The following TUBGCP5 variants were observed in gnomAD, a reference collection of about 807,000 sequenced individuals.
The protein encoded by TUBGCP5 is tubulin gamma complex component 5, also known as gamma-tubulin complex component 5.
TUBGCP5 carries 98 observed loss-of-function variants against 134.7 expected under a neutral mutation model. The observed-to-expected ratio is 0.73, with a 90% CI of 0.62 to 0.86. TUBGCP5 has a LOEUF of 0.86. TUBGCP5 is among the 40% of genes least tolerant of loss of function. The pLI is 0.00. For missense variants in TUBGCP5, 1,150 were observed against 1,244.8 expected, an observed-to-expected ratio of 0.92 and a Z score of 1.15; for synonymous variants, 456 against 431.4, an observed-to-expected ratio of 1.06 and a Z score of -0.71.
At chr15:22,998,029 A>G (rs1469191718), downstream of TUBGCP5, among the ~76,000 whole-genome samples, 1 of 152,088 alleles carries the variant, frequency 6.6e-6, no homozygotes, top group Non-Finnish European at 1.5e-5. Context: ...TTGCTCAGAA[A>G]TATTGCCAGG....
At chr15:23,003,022 T>C in intron 21 of TUBGCP5, 43 bp downstream of exon 21, 1 of 1,597,208 alleles carries the variant, frequency 6.3e-7, no homozygotes, top group Non-Finnish European at 8.6e-7. Context: ...AAGCTGAAGC[T>C]GAAATGGTCA....
At chr15:22,989,964 G>A (rs544528793) in intron 23 of TUBGCP5, among the ~76,000 whole-genome samples, 7 of 152,200 alleles carry the variant, frequency 4.6e-5, no homozygotes, top group South Asian at 2.1e-4. Flanking sequence ...CCTGGTGCCC[G>A]CCTGGATCTC....
chr15:23,029,162 C>T (rs2066150810), intron 6 of TUBGCP5, among the ~76,000 whole-genome samples: 2 of 152,144 alleles, frequency 1.3e-5, no homozygotes, highest in African/African-American at 4.8e-5. Flanking sequence ...TCAAGCCTCC[C>T]CAAATTAGAT....
rs376855426 is a variant in TUBGCP5, at chr15:23,000,637, A to C, written c.2960T>G (p.Phe987Cys). The change falls in exon 22 of 23, where the codon TTT (phenylalanine) becomes TGT (cysteine). Residue 987 changes from phenylalanine to cysteine, a missense_variant. By Grantham distance (205) the Phe-to-Cys change is radical. Around this residue, in one of 2 missense-constraint regions of TUBGCP5, gnomAD observed 697 missense variants for 850.1 expected, o/e 0.82. Transcript: ENST00000615383. The part of the protein sequence containing the change: ...MESIEKMESD[F>C]KNCHMFLVTI... ...TACAAGAAACATATGGCAGTTTTTA[A>C]AATCAGATTCCATTTTCTCTATAGA... 1.3e-5 allele frequency: 21 copies of C among 1,607,400 alleles called. No individual in the cohort carries two copies. Among genetic ancestry groups the C allele is most frequent in the Non-Finnish European group, 1.8e-5 (21 of 1,175,440 alleles).
At chr15:23,024,405 T>G (rs2065879698) in intron 9 of TUBGCP5, 2 of 534,668 alleles carry the variant, frequency 3.7e-6, no homozygotes, top group Non-Finnish European at 6.0e-6. Flanking sequence ...ATGGCTTATA[T>G]TTTTAAAAAC....
chr15:23,024,620 T>G, intron 9 of TUBGCP5, 117 bp downstream of exon 9: 1 of 588,414 alleles, frequency 1.7e-6, no homozygotes, highest in Non-Finnish European at 2.8e-6. Flanking sequence ...TTTTTTTGCA[T>G]GTGAGGAAGC....
At chr15:23,003,988 C>T in intron 20 of TUBGCP5, 114 bp downstream of exon 20, 2 of 1,358,204 alleles carry the variant, frequency 1.5e-6, no homozygotes, top group Non-Finnish European at 2.0e-6. Flanking sequence ...TCATCTGGTT[C>T]TTCCTTAAAG....
intron 14 of TUBGCP5, among the ~76,000 whole-genome samples, chr15:23,010,396 T>C (rs941565822): frequency 2.0e-5 from 3 of 152,158 alleles, no homozygotes; most frequent in Non-Finnish European, 2.9e-5. Context: ...AACCGGGAAC[T>C]GTGTGGGTAT....
At chr15:22,993,083 G>A (rs969290849) in intron 23 of TUBGCP5, among the ~76,000 whole-genome samples, 1 of 152,132 alleles carries the variant, frequency 6.6e-6, no homozygotes, top group Non-Finnish European at 1.5e-5. Context: ...CTCTAGAGAC[G>A]ATGCTCAGGA....
At position 23,005,824 on chromosome 15, in the gene TUBGCP5, C is replaced by T. The variant is rs925633045; in HGVS notation, c.2534-214G>A. The T allele has an allele frequency of 3.0e-5, 20 of 669,046 alleles. No individual in the cohort carries two copies. The African/African-American group carries it at 3.3e-4, about 11-fold the overall frequency. The allele number at this position is 669,046 out of a possible 1,614,324, so 41.4% of individuals were successfully genotyped here. On this transcript the variant is annotated intron_variant, in intron 18 of 22. Coordinates refer to ENST00000615383, the MANE Select transcript of TUBGCP5 (RefSeq NM_052903.6). ...CTAATCAAGTTGTTGCATTTCAGAT[C>T]AACTGTACATACAACTTCCTGATCT... is the stretch of plus-strand genomic sequence containing the variant.
In TUBGCP5 at chr15:23,032,060, T is replaced by G. The variant is rs367825757; in HGVS notation, c.407-31A>C. ...ATGTAACAGAAGAACTTCATTGGCT[T>G]TATTATATCTATCTTTGAAAAAAAA... On this transcript the variant is annotated intron_variant, in intron 4 of 22. Coordinates refer to ENST00000615383, the MANE Select transcript of TUBGCP5 (RefSeq NM_052903.6). The G allele has an allele frequency of 3.9e-5, 60 of 1,538,496 alleles. No individual in the cohort carries two copies. In the African/African-American group the frequency reaches 5.9e-4, roughly 15 times the overall value.
At chr15:22,996,407 G>A (rs2064082611), downstream of TUBGCP5, among the ~76,000 whole-genome samples, 1 of 152,228 alleles carries the variant, frequency 6.6e-6, no homozygotes, top group African/African-American at 2.4e-5. Context: ...CACTTTGGGA[G>A]GCTGAGGCCA....
intron 3 of TUBGCP5, among the ~76,000 whole-genome samples, chr15:23,033,710 C>T (rs1252935827): frequency 1.3e-5 from 2 of 152,156 alleles, no homozygotes; most frequent in African/African-American, 4.8e-5. Flanking sequence ...TACAAATATA[C>T]ATACGCATAG....
At position 23,026,204 on chromosome 15, in the gene TUBGCP5, C is replaced by T. The variant is rs928759723; in HGVS notation, c.739G>A (p.Asp247Asn). The change falls in exon 8 of 23, where the codon GAC (aspartate) becomes AAC (asparagine). Residue 247 changes from aspartate to asparagine, a missense_variant and splice_region_variant. Physicochemically the swap from Asp to Asn is conservative, Grantham distance 23. Transcript: ENST00000615383. ...GGATCACTGCTGTACAAGTGTTGGT[C>T]CCTATGAGACAGCAAACATAAATGT... is the stretch of plus-strand genomic sequence containing the variant. The part of the protein sequence containing the change: ...HLHSNLAAVW[D>N]QHLYSSDPLY... 1.2e-6 allele frequency: 2 copies of T among 1,612,474 alleles called. No individual in the cohort carries two copies. The highest frequency in any genetic ancestry group is 1.7e-4 in the Middle Eastern group (1 of 6,058).
At chr15:22,998,568 C>T (rs2064202127), downstream of TUBGCP5, among the ~76,000 whole-genome samples, 1 of 152,098 alleles carries the variant, frequency 6.6e-6, no homozygotes. Flanking sequence ...AATCGATCCT[C>T]CCACCTCAGC....
chr15:23,016,497 G>GAAAAAAAAAAAAAAAAAAAAAAAAA (rs34275068), intron 13 of TUBGCP5, among the ~76,000 whole-genome samples: 1 of 102,834 alleles, frequency 9.7e-6, no homozygotes, highest in Non-Finnish European at 2.0e-5. Context: ...TCTGTCTCAG[G>GAAAAAAAAAAAAAAAAAAAAAAAAA]AAAAAAAAAA....
At position 23,022,158 on chromosome 15, in the gene TUBGCP5, G is replaced by T. The variant is rs1476697809; in HGVS notation, c.1172C>A (p.Thr391Asn). The change falls in exon 11 of 23, where the codon ACT (threonine) becomes AAT (asparagine). Residue 391 changes from threonine to asparagine, a missense_variant. By Grantham distance (65) the Thr-to-Asn change is moderately conservative. Around this residue, in one of 2 missense-constraint regions of TUBGCP5, gnomAD observed 697 missense variants for 850.1 expected, o/e 0.82. Coordinates refer to ENST00000615383, the MANE Select transcript of TUBGCP5 (RefSeq NM_052903.6). ...CACCACTATTGCAAGAGTTATTGTA[G>T]TATCTGCAAATATCAATAAATCAAA... ...EIEKCIINND[T>N]TITLAIVVDK... 6.2e-7 allele frequency: 1 copy of T among 1,613,908 alleles called. No individual in the cohort carries two copies. The highest frequency in any genetic ancestry group is 1.1e-5 in the South Asian group (1 of 91,074).
Position 23,039,384 on chromosome 15 carries a change from G to T in TUBGCP5, c.146+14C>A. 2.1e-6 allele frequency: 3 copies of T among 1,429,134 alleles called. No individual in the cohort carries two copies. The highest frequency in any genetic ancestry group is 1.9e-6 in the Non-Finnish European group (2 of 1,078,794). The allele number at this position is 1,429,134 out of a possible 1,614,324, so 88.5% of individuals were successfully genotyped here. ...GCTGTGGCCGGGAACCCGCCCGCGC[G>T]CCGTGCCCCACACCTGAAGTTGGAC... On this transcript the variant is annotated intron_variant, in intron 1 of 22. Transcript: ENST00000615383.
intron 3 of TUBGCP5, among the ~76,000 whole-genome samples, chr15:23,033,714 C>A (rs922155881): frequency 2.0e-5 from 3 of 152,136 alleles, no homozygotes; most frequent in Non-Finnish European, 4.4e-5. Context: ...AATATACATA[C>A]GCATAGAATT....
Sources: gnomAD v4.1 joint callset for allele counts (sites outside exome capture counted in the v4.1 genomes callset) on GRCh38, gnomAD v4.1.1 for gene constraint, gnomAD v4.1.1 regional missense constraint, MANE v1.5 for transcripts, NCBI Gene and HGNC (gene_info 2026-07-23, HGNC 2026-07-21) for gene names.